Variants in HSF2BP observed in about 807,000 individuals in gnomAD.
The protein encoded by HSF2BP is heat shock factor 2-binding protein.
HSF2BP carries 35 observed loss-of-function variants against 35.0 expected under a neutral mutation model. The ratio of observed to expected loss-of-function variants is 1.00; its 90% CI spans 0.76 to 1.32. The LOEUF is 1.32. Among genes scored for constraint, HSF2BP ranks in the 40% most tolerant of loss-of-function variants. The pLI, the probability that HSF2BP is intolerant of heterozygous loss-of-function variation, is 0.00. For synonymous variants in HSF2BP, 114 were observed against 117.4 expected (o/e 0.97, Z 0.18); for missense variants, 326 against 321.7 (o/e 1.01, Z -0.10).
intron 4 of HSF2BP, among the ~76,000 whole-genome samples, chr21:43,642,410 T>TCC (rs566721957): frequency 6.0e-4 from 91 of 152,262 alleles, no homozygotes; most frequent in African/African-American, 2.0e-3. Context: ...CTCCTCATGA[T>TCC]CCGTACAGGC....
chr21:43,602,595 C>A (rs1415583823), intron 7 of HSF2BP, among the ~76,000 whole-genome samples: 2 of 152,210 alleles, frequency 1.3e-5, no homozygotes, highest in Non-Finnish European at 2.9e-5. Context: ...GAAACAGGAA[C>A]CACATAGAGC....
intron 6 of HSF2BP, among the ~76,000 whole-genome samples, chr21:43,616,934 A>C (rs1298299335): frequency 6.6e-6 from 1 of 151,544 alleles, no homozygotes; most frequent in African/African-American, 2.4e-5. Context: ...CCATCTCAAA[A>C]AAAAAAGAAA....
intron 5 of HSF2BP, among the ~76,000 whole-genome samples, chr21:43,632,062 A>C: frequency 1.7e-4 from 2 of 11,690 alleles, no homozygotes; most frequent in Non-Finnish European, 2.5e-4. Flanking sequence ...CCCCCCACAC[A>C]CGCTCCCACA....
intron 4 of HSF2BP, among the ~76,000 whole-genome samples, chr21:43,642,795 C>CTTTTTT (rs869086487): frequency 5.4e-5 from 5 of 92,124 alleles, no homozygotes; most frequent in Non-Finnish European, 1.1e-4. Flanking sequence ...GGCTTCTTTT[C>CTTTTTT]TTTTTTTTTT....
chr21:43,637,339 C>A (rs1015778538), intron 4 of HSF2BP, among the ~76,000 whole-genome samples: 8 of 152,050 alleles, frequency 5.3e-5, no homozygotes, highest in African/African-American at 1.7e-4. Flanking sequence ...TCTGTTCCTA[C>A]AAAATATTCA....
At chr21:43,612,114 A>G (rs1185083444) in intron 7 of HSF2BP, among the ~76,000 whole-genome samples, 3 of 152,186 alleles carry the variant, frequency 2.0e-5, no homozygotes, top group African/African-American at 7.2e-5. Flanking sequence ...AACAGAGAAA[A>G]GGCTGGCTGG....
chr21:43,644,768 C>T (rs1423239974), intron 3 of HSF2BP, among the ~76,000 whole-genome samples: 1 of 152,212 alleles, frequency 6.6e-6, no homozygotes, highest in Non-Finnish European at 1.5e-5. Flanking sequence ...AAGCAGAAGG[C>T]AGCTCAGGGA....
chr21:43,652,782 G>A (rs1379565787), intron 3 of HSF2BP, among the ~76,000 whole-genome samples: 1 of 152,168 alleles, frequency 6.6e-6, no homozygotes, highest in Admixed American at 6.6e-5. Flanking sequence ...CTTCCTTTCT[G>A]TTAACACCAC....
intron 6 of HSF2BP, among the ~76,000 whole-genome samples, chr21:43,628,719 C>A (rs771603039): frequency 1.3e-5 from 2 of 152,218 alleles, no homozygotes; most frequent in Non-Finnish European, 2.9e-5. Flanking sequence ...AGGACTTTCA[C>A]CGCTAGAGAA....
At chr21:43,575,607 A>G (rs2838321) in intron 8 of HSF2BP, among the ~76,000 whole-genome samples, 2 of 152,144 alleles carry the variant, frequency 1.3e-5, no homozygotes, top group African/African-American at 4.8e-5. Flanking sequence ...CTTTAGCCCA[A>G]AAGAAAATGA....
chr21:43,601,227 C>T (rs981890159), intron 7 of HSF2BP, among the ~76,000 whole-genome samples: 2 of 152,196 alleles, frequency 1.3e-5, no homozygotes, highest in South Asian at 2.1e-4. Context: ...GCTGGCTCCA[C>T]GTACCCTCCA....
intron 7 of HSF2BP, among the ~76,000 whole-genome samples, chr21:43,598,389 G>GTTTT (rs10650407): frequency 3.5e-5 from 5 of 143,322 alleles, no homozygotes; most frequent in African/African-American, 5.2e-5. Context: ...GGGTTTTTTT[G>GTTTT]TTTTTTTTTT....
chr21:43,588,891 T>C (rs2081891412), intron 8 of HSF2BP, among the ~76,000 whole-genome samples: 1 of 151,992 alleles, frequency 6.6e-6, no homozygotes, highest in African/African-American at 2.4e-5. Context: ...GTCAATGGAG[T>C]ACAAGCATAG....
chr21:43,638,326 C>T (rs1356001256), intron 4 of HSF2BP, among the ~76,000 whole-genome samples: 1 of 151,980 alleles, frequency 6.6e-6, no homozygotes, highest in African/African-American at 2.4e-5. Context: ...GGCATGGTGG[C>T]GCACATCTGT....
the HSF2BP span, among the ~76,000 whole-genome samples, chr21:43,501,387 C>G: frequency 5.3e-5 from 5 of 93,630 alleles, no homozygotes; most frequent in South Asian, 3.2e-4. Flanking sequence ...GCTAGTCACT[C>G]TGTAGCTGTC....
At chr21:43,619,135 AG>A (rs2082304447) in intron 6 of HSF2BP, among the ~76,000 whole-genome samples, 1 of 152,136 alleles carries the variant, frequency 6.6e-6, no homozygotes, top group African/African-American at 2.4e-5. Context: ...AACAGACTAA[AG>A]TACACTGTAA....
chr21:43,626,177 C>T (rs1025465691), intron 6 of HSF2BP, among the ~76,000 whole-genome samples: 2 of 151,446 alleles, frequency 1.3e-5, no homozygotes, highest in African/African-American at 4.8e-5. Flanking sequence ...ATCCACCCCG[C>T]AAGAACTATC....
At position 43,589,677 on chromosome 21, in the gene HSF2BP, G is replaced by A. The variant is rs542482503; in HGVS notation, c.796+2548C>T. ...CATAATGATCCAAAAATAGATGAAT[G>A]GAACAGAACAGAATCCAAAATGACC... On this transcript the variant is annotated intron_variant, in intron 8 of 8. Coordinates refer to ENST00000291560, the MANE Select transcript of HSF2BP (RefSeq NM_007031.2). Among the ~76,000 whole-genome samples, 147 of 152,134 alleles carry A rather than the reference G, an allele frequency of 9.7e-4. 2 individuals are homozygous for A. The highest frequency in any genetic ancestry group is 3.4e-3 in the African/African-American group (139 of 41,486).
intron 3 of HSF2BP, among the ~76,000 whole-genome samples, chr21:43,654,821 A>C (rs1183392241): frequency 6.6e-6 from 1 of 152,224 alleles, no homozygotes; most frequent in African/African-American, 2.4e-5. Context: ...CTGCCTAGGG[A>C]GAAGCCATGG....
Sources: allele counts gnomAD v4.1 joint callset (sites outside exome capture counted in the v4.1 genomes callset), GRCh38; gene constraint gnomAD v4.1.1; transcripts MANE v1.5; gene names NCBI Gene and HGNC (gene_info 2026-07-23, HGNC 2026-07-21).